The following TRPC4 variants were observed in gnomAD, a reference collection of about 807,000 sequenced individuals.
TRPC4 encodes transient receptor potential cation channel subfamily C member 4.
A neutral mutation model predicts 99.4 loss-of-function variants in TRPC4; 49 were observed. The observed-to-expected ratio is 0.49, with a 90% CI of 0.39 to 0.63. The LOEUF (loss-of-function observed/expected upper bound fraction) is 0.63, where lower values mean the gene tolerates loss of function less well. Ranked by LOEUF, TRPC4 falls within the 20% of genes least tolerant of loss-of-function variation. The probability of loss-of-function intolerance (pLI) is 0.00; values close to 1 mark genes in which losing one functional copy is unlikely to be tolerated. For missense variants in TRPC4, 898 were observed against 1,152.9 expected, an observed-to-expected ratio of 0.78 and a Z score of 3.20; for synonymous variants, 454 against 425.9, an observed-to-expected ratio of 1.07 and a Z score of -0.81.
At chr13:37,799,225 C>T (rs981959956) in intron 1 of TRPC4, among the ~76,000 whole-genome samples, 8 of 152,086 alleles carry the variant, frequency 5.3e-5, no homozygotes, top group African/African-American at 1.2e-4. Flanking sequence ...TGAGCCACTG[C>T]GCCCGGCCTA....
chr13:37,637,501 T>C lies in TRPC4; in HGVS notation c.2336A>G (p.Glu779Gly). 1.2e-6 allele frequency: 2 copies of C among 1,613,834 alleles called. No individual in the cohort carries two copies. Among genetic ancestry groups the C allele is most frequent in the South Asian group, 2.2e-5 (2 of 91,074 alleles). Residue 779 changes from glutamate to glycine, a missense_variant, in exon 11 of 11, where the codon GAA becomes GGA. Glu to Gly is a moderately conservative substitution (Grantham distance 98). This residue lies in a region of TRPC4 where 346 missense variants were observed against 351.4 expected (regional missense o/e 0.98). Coordinates refer to ENST00000379705, the MANE Select transcript of TRPC4 (RefSeq NM_016179.4). ...KESSNSADSD[E>G]KSDSEGNSKD... ...GCTATTACCTTCGCTATCACTCTTT[T>C]CATCTGAGTCTGCCGAATTTGAAGA...
rs910846139 is a variant in TRPC4 at position 37,689,940 on chromosome 13, C to T, written c.1234+2059G>A. The stretch of plus-strand genomic sequence containing the variant: ...TATCATCCTTCACTGTGCATTCTGC[C>T]TGGAAAGTATTTGACACATTTTCAT... On this transcript the variant is annotated intron_variant, in intron 4 of 10. Transcript: ENST00000379705. 3.3e-5 allele frequency among the ~76,000 whole-genome samples: 5 copies of T among 152,282 alleles called. 1 individual carries two copies. Among genetic ancestry groups the T allele is most frequent in the Middle Eastern group, 6.8e-3 (2 of 294 alleles).
chr13:37,649,714 T>A (rs1403546453), intron 8 of TRPC4, among the ~76,000 whole-genome samples: 2 of 106,346 alleles, frequency 1.9e-5, no homozygotes, highest in African/African-American at 3.7e-5. Flanking sequence ...CCTGGGCAAC[T>A]GAGCGAGACT....
intron 3 of TRPC4, among the ~76,000 whole-genome samples, chr13:37,694,803 C>A (rs1334534486): frequency 6.6e-6 from 1 of 152,134 alleles, no homozygotes; most frequent in African/African-American, 2.4e-5. Flanking sequence ...GTGTGTAATA[C>A]ACAAAGTTCC....
chr13:37,727,924 T>C (rs1015995139), intron 3 of TRPC4, among the ~76,000 whole-genome samples: 1 of 152,096 alleles, frequency 6.6e-6, no homozygotes, highest in African/African-American at 2.4e-5. Context: ...CTATATTAAC[T>C]GAATGAATTT....
intron 6 of TRPC4, among the ~76,000 whole-genome samples, chr13:37,660,963 T>C (rs1211597509): frequency 6.6e-6 from 1 of 152,234 alleles, no homozygotes; most frequent in Admixed American, 6.5e-5. Flanking sequence ...TAGGACCTCC[T>C]GCTTCCTAAT....
At chr13:37,846,682 T>TA (rs546982605) in intron 1 of TRPC4, among the ~76,000 whole-genome samples, 30 of 151,504 alleles carry the variant, frequency 2.0e-4, no homozygotes, top group Non-Finnish European at 4.0e-4. Context: ...AAAAACAAAT[T>TA]AAAAAATGCC....
intron 4 of TRPC4, among the ~76,000 whole-genome samples, chr13:37,680,254 C>A (rs1483327730): frequency 6.6e-6 from 1 of 152,136 alleles, no homozygotes; most frequent in Non-Finnish European, 1.5e-5. Flanking sequence ...TGCCAATTCC[C>A]AGATATTAGA....
At chr13:37,864,667 A>G (rs918704878) in intron 1 of TRPC4, among the ~76,000 whole-genome samples, 6 of 151,662 alleles carry the variant, frequency 4.0e-5, no homozygotes. Flanking sequence ...TACTGTCTAG[A>G]TCTGGAGACA....
rs138753455 is a variant in TRPC4 at position 37,663,683 on chromosome 13, G to A, written c.1421C>T (p.Thr474Ile). Residue 474 changes from threonine (T) to isoleucine (I), a missense_variant, in exon 6 of 11, where the codon ACT becomes ATT. Physicochemically the swap from Thr to Ile is moderately conservative, Grantham distance 89. Transcript: ENST00000379705. ...AGCAAATAAAGCCTCTGCCACCAGAGTGGGATGCCACATGTCCCATGATTC... is the reference window on the plus strand; with the variant it reads ...AGCAAATAAAGCCTCTGCCACCAGAATGGGATGCCACATGTCCCATGATTC... ...PRESWDMWHP[T>I]LVAEALFAIA... 12 of 1,614,158 alleles carry A rather than the reference G, an allele frequency of 7.4e-6. No homozygotes were observed. The highest frequency in any genetic ancestry group is 1.3e-5 in the African/African-American group (1 of 75,050).
chr13:37,771,376 A>G (rs1956545996), intron 2 of TRPC4, among the ~76,000 whole-genome samples: 1 of 151,808 alleles, frequency 6.6e-6, no homozygotes, highest in African/African-American at 2.4e-5. Flanking sequence ...GCAAAATTGA[A>G]GAGGGAGCAG....
intron 1 of TRPC4, among the ~76,000 whole-genome samples, chr13:37,860,451 C>A (rs1257313112): frequency 6.6e-6 from 1 of 151,336 alleles, no homozygotes; most frequent in Non-Finnish European, 1.5e-5. Context: ...CACAAAGGAA[C>A]AATGTAATAA....
intron 3 of TRPC4, among the ~76,000 whole-genome samples, chr13:37,716,413 T>C (rs1320377605): frequency 6.6e-6 from 1 of 152,230 alleles, no homozygotes; most frequent in Non-Finnish European, 1.5e-5. Flanking sequence ...TTCTATTTCA[T>C]ACCAACTGTT....
At chr13:37,638,988 G>A in intron 10 of TRPC4, 52 bp downstream of exon 10, 1 of 1,565,572 alleles carries the variant, frequency 6.4e-7, no homozygotes, top group South Asian at 1.1e-5. Flanking sequence ...TGCTCTATCT[G>A]GATCCATATT....
chr13:37,761,921 C>T (rs575508481), intron 2 of TRPC4, among the ~76,000 whole-genome samples: 5 of 151,862 alleles, frequency 3.3e-5, no homozygotes, highest in Non-Finnish European at 7.4e-5. Context: ...AGCTGTGTAT[C>T]TCCTGAAATG....
chr13:37,831,357 T>C (rs1566206418), intron 1 of TRPC4, among the ~76,000 whole-genome samples: 1 of 152,218 alleles, frequency 6.6e-6, no homozygotes, highest in Non-Finnish European at 1.5e-5. Flanking sequence ...TCTGTTAGAA[T>C]ATCAATTATC....
chr13:37,777,850 G>A (rs955135075), intron 2 of TRPC4, among the ~76,000 whole-genome samples: 3 of 151,938 alleles, frequency 2.0e-5, no homozygotes, highest in Non-Finnish European at 4.4e-5. Flanking sequence ...AAGGCTCAGA[G>A]AGATTCAGAC....
At chr13:37,719,864 A>G (rs2139028019) in intron 3 of TRPC4, among the ~76,000 whole-genome samples, 2 of 152,296 alleles carry the variant, frequency 1.3e-5, no homozygotes, top group Middle Eastern at 6.8e-3. Context: ...AAGGTTGCTA[A>G]TCAGCTAACA....
chr13:37,737,226 G>GTGA lies in TRPC4; in HGVS notation c.897+8710_897+8711insTCA, dbSNP rs1555264602. ...GGGACCCAGGAACAGACAAAAAATA[G>GTGA]TAATAATAATAATAATAATAATAAT... On this transcript the variant is annotated intron_variant, in intron 3 of 10. Coordinates refer to ENST00000379705, the MANE Select transcript of TRPC4 (RefSeq NM_016179.4). Among the ~76,000 whole-genome samples the GTGA allele has an allele frequency of 2.0e-5, 3 of 148,378 alleles. No homozygotes were observed. The East Asian group carries it at 6.0e-4, about 30-fold the overall frequency.
Sources: gnomAD v4.1 joint callset for allele counts (sites outside exome capture counted in the v4.1 genomes callset) on GRCh38, gnomAD v4.1.1 for gene constraint, gnomAD v4.1.1 regional missense constraint, MANE v1.5 for transcripts, NCBI Gene and HGNC (gene_info 2026-07-23, HGNC 2026-07-21) for gene names.